Variants in PCA3 observed in about 807,000 individuals in gnomAD.
PCA3 encodes the protein prostate cancer associated 3.
chr9:76,774,940 A>C (rs1219668062), intron 2 of PCA3, among the ~76,000 whole-genome samples: 1 of 152,194 alleles, frequency 6.6e-6, no homozygotes, highest in African/African-American at 2.4e-5. Flanking sequence ...TTCCTCATCT[A>C]TGTAATGGGA....
At chr9:76,784,560 C>T (rs888946497) in intron 2 of PCA3, 3 of 152,198 alleles carry the variant, frequency 2.0e-5, no homozygotes, top group Non-Finnish European at 4.4e-5. Context: ...CAACATTCTC[C>T]ATATATCCAG....
At chr9:76,776,401 T>G (rs1396163724) in intron 2 of PCA3, among the ~76,000 whole-genome samples, 2 of 152,198 alleles carry the variant, frequency 1.3e-5, no homozygotes, top group Non-Finnish European at 2.9e-5. Flanking sequence ...TGATTTTCCA[T>G]TTTTGAATTA....
intron 2 of PCA3, among the ~76,000 whole-genome samples, chr9:76,783,038 A>T (rs916436823): frequency 2.0e-5 from 3 of 152,306 alleles, no homozygotes; most frequent in African/African-American, 7.2e-5. Context: ...AGTGCCCAAA[A>T]CAGTCCACAT....
chr9:76,775,875 C>T lies in PCA3; in HGVS notation n.853-32708C>T, dbSNP rs114493798. Among the ~76,000 whole-genome samples, 1,233 of 152,230 alleles carry T rather than the reference C, an allele frequency of 8.1e-3. 11 individuals carry two copies. The highest frequency in any genetic ancestry group is 0.021 in the African/African-American group (882 of 41,520). Reference sequence around the variant, plus strand: ...CTTTAGCTCGGACCAACACCAAGTACCACCATTTCTATAACTTCCATTACT... The same window carrying T: ...CTTTAGCTCGGACCAACACCAAGTATCACCATTTCTATAACTTCCATTACT... On this transcript the variant is annotated intron_variant and non_coding_transcript_variant, in intron 2 of 5. Transcript: ENST00000644657.
chr9:76,767,792 A>T (rs79668530), intron 2 of PCA3, among the ~76,000 whole-genome samples: 5,161 of 152,214 alleles, frequency 0.034, 120 homozygotes, highest in Non-Finnish European at 0.049. Context: ...AGCTGGAGGG[A>T]GTGCACACTG....
At chr9:76,773,055 C>G (rs1479561410) in intron 2 of PCA3, among the ~76,000 whole-genome samples, 2 of 152,184 alleles carry the variant, frequency 1.3e-5, no homozygotes, top group Admixed American at 6.5e-5. Flanking sequence ...ATCAAATCAA[C>G]AATATAATTT....
intron 2 of PCA3, among the ~76,000 whole-genome samples, chr9:76,771,198 T>C (rs2053065563): frequency 6.6e-6 from 1 of 152,186 alleles, no homozygotes; most frequent in Non-Finnish European, 1.5e-5. Context: ...TGTGAAAGGT[T>C]GCAATTTTGA....
chr9:76,774,451 T>TCTA (rs2053481501), intron 2 of PCA3, among the ~76,000 whole-genome samples: 8 of 80,966 alleles, frequency 9.9e-5, no homozygotes, highest in African/African-American at 3.5e-4. Context: ...AGTTCAACCC[T>TCTA]TTTTTTTTTT....
chr9:76,771,165 A>G (rs1172594499), intron 2 of PCA3, among the ~76,000 whole-genome samples: 1 of 152,232 alleles, frequency 6.6e-6, no homozygotes, highest in Non-Finnish European at 1.5e-5. Flanking sequence ...CATGATTTAA[A>G]TATCATATAA....
intron 2 of PCA3, among the ~76,000 whole-genome samples, chr9:76,781,022 CCAT>C (rs1438531899): frequency 6.6e-6 from 1 of 152,128 alleles, no homozygotes; most frequent in Non-Finnish European, 1.5e-5. Context: ...CATAGCCAGT[CCAT>C]CAACACATCC....
At chr9:76,779,841 G>A (rs1339747874) in intron 2 of PCA3, 1 of 152,174 alleles carries the variant, frequency 6.6e-6, no homozygotes, top group Non-Finnish European at 1.5e-5. Context: ...ATCACCATAT[G>A]TCAATATAAT....
intron 2 of PCA3, among the ~76,000 whole-genome samples, chr9:76,766,238 T>C (rs2052374432): frequency 6.6e-6 from 1 of 152,034 alleles, no homozygotes; most frequent in African/African-American, 2.4e-5. Context: ...ATATCATTTT[T>C]GATTTTTACA....
Position 76,776,066 on chromosome 9 carries a change from T to G in PCA3, n.853-32517T>G, listed in dbSNP as rs17062993. Among the ~76,000 whole-genome samples the G allele has an allele frequency of 8.6e-3, 1,308 of 152,278 alleles. 19 individuals are homozygous for G. The highest frequency in any genetic ancestry group is 0.03 in the African/African-American group (1,230 of 41,544). On this transcript the variant is annotated intron_variant and non_coding_transcript_variant, in intron 2 of 5. Coordinates refer to ENST00000644657, the Ensembl canonical transcript of PCA3. ...TTCTTTATAACTACAAAAGACAATC[T>G]CACGTGCACAGAGTAATCAACTCAT...
intron 2 of PCA3, among the ~76,000 whole-genome samples, chr9:76,774,454 T>TA (rs1564272499): frequency 1.5e-4 from 8 of 54,532 alleles, no homozygotes; most frequent in African/African-American, 1.4e-3. Context: ...TCAACCCTTT[T>TA]TTTTTTTTTT....
intron 2 of PCA3, chr9:76,782,547 T>C (rs2054529648): frequency 6.6e-6 from 1 of 152,228 alleles, no homozygotes; most frequent in African/African-American, 2.4e-5. Flanking sequence ...TTAATTTTTG[T>C]AAAATCCTTC....
chr9:76,776,518 C>CTTT (rs796197139), intron 2 of PCA3, among the ~76,000 whole-genome samples: 6 of 122,848 alleles, frequency 4.9e-5, no homozygotes, highest in Admixed American at 8.3e-5. Context: ...TTTCTTTTTT[C>CTTT]TTTTTTTTTT....
At chr9:76,767,281 G>A (rs1348644138) in intron 2 of PCA3, among the ~76,000 whole-genome samples, 6 of 151,964 alleles carry the variant, frequency 3.9e-5, no homozygotes, top group African/African-American at 4.8e-5. Context: ...GTGAAACCTC[G>A]TCTCTACTAA....
chr9:76,770,155 A>G (rs1161531981), intron 2 of PCA3, among the ~76,000 whole-genome samples: 4 of 152,206 alleles, frequency 2.6e-5, no homozygotes, highest in Non-Finnish European at 5.9e-5. Flanking sequence ...TAATTTTACT[A>G]TAACATTTAT....
At chr9:76,776,404 T>C (rs1168902427) in intron 2 of PCA3, among the ~76,000 whole-genome samples, 2 of 152,226 alleles carry the variant, frequency 1.3e-5, no homozygotes, top group African/African-American at 2.4e-5. Flanking sequence ...TTTTCCATTT[T>C]TGAATTATTT....
Sources: allele counts gnomAD v4.1 joint callset (sites outside exome capture counted in the v4.1 genomes callset), GRCh38; gene constraint gnomAD v4.1.1; transcripts MANE v1.5; gene names NCBI Gene and HGNC (gene_info 2026-07-23, HGNC 2026-07-21).